RBFOX1: variants seen among roughly 807,000 people sequenced by gnomAD.
RBFOX1 encodes the protein RNA binding protein fox-1 homolog 1.
A neutral mutation model predicts 57.7 loss-of-function variants in RBFOX1; 8 were observed. The observed-to-expected ratio is 0.14, with a 90% CI of 0.08 to 0.25. RBFOX1 has a LOEUF of 0.25. RBFOX1 is among the 10% of genes least tolerant of loss of function. The pLI is 1.00. For missense variants in RBFOX1, 611 were observed against 548.5 expected (o/e 1.11, Z -1.14); for synonymous variants, 326 against 222.4 (o/e 1.47, Z -4.15).
rs539821525 is a variant in RBFOX1 at position 7,036,561 on chromosome 16, C to T, written c.-15-15496C>T. Among the ~76,000 whole-genome samples the T allele has an allele frequency of 5.9e-5, 9 of 152,016 alleles. No homozygotes were observed. In the East Asian group the frequency reaches 7.8e-4, roughly 13 times the overall value. On this transcript the variant is annotated intron_variant, in intron 3 of 15. Transcript: ENST00000550418. Reference sequence around the variant, plus strand: ...TAGAAAAATTAGCTGGATACTGTGGCGGCTGCCCATAATCCCAACTATTCG... The same window carrying T: ...TAGAAAAATTAGCTGGATACTGTGGTGGCTGCCCATAATCCCAACTATTCG...
At chr16:7,455,766 A>G (rs1398252055) in intron 4 of RBFOX1, among the ~76,000 whole-genome samples, 2 of 147,558 alleles carry the variant, frequency 1.4e-5, no homozygotes, top group African/African-American at 2.5e-5. Context: ...CAGCCTGGGA[A>G]CAGAATGAGA....
At chr16:7,520,176 C>T (rs564941993) in intron 5 of RBFOX1, among the ~76,000 whole-genome samples, 6 of 152,248 alleles carry the variant, frequency 3.9e-5, no homozygotes, top group East Asian at 3.9e-4. Flanking sequence ...TGAGCCACCG[C>T]GCCCGGCCTA....
chr16:5,308,968 G>A (rs1371101672), intron 1 of RBFOX1, among the ~76,000 whole-genome samples: 1 of 152,036 alleles, frequency 6.6e-6, no homozygotes, highest in Admixed American at 6.6e-5. Flanking sequence ...AGACCTTGTG[G>A]GGTTCTTGAA....
chr16:7,248,663 G>A (rs1393452865), intron 4 of RBFOX1, among the ~76,000 whole-genome samples: 1 of 152,078 alleles, frequency 6.6e-6, no homozygotes, highest in Non-Finnish European at 1.5e-5. Flanking sequence ...GTTGCTTATA[G>A]GAAATTCAAG....
chr16:7,114,176 G>A (rs896720916), intron 4 of RBFOX1, among the ~76,000 whole-genome samples: 3 of 152,160 alleles, frequency 2.0e-5, no homozygotes, highest in Non-Finnish European at 4.4e-5. Flanking sequence ...TTGGTGTTCA[G>A]AGGCAGATCA....
At chr16:6,070,954 C>G (rs1049503495) in intron 1 of RBFOX1, among the ~76,000 whole-genome samples, 3 of 152,056 alleles carry the variant, frequency 2.0e-5, no homozygotes, top group African/African-American at 7.2e-5. Context: ...CATCTTGTTC[C>G]TCTGATTTTG....
chr16:5,969,862 T>G (rs1043269410), intron 4 of RBFOX1, among the ~76,000 whole-genome samples: 5 of 152,224 alleles, frequency 3.3e-5, no homozygotes, highest in Admixed American at 1.3e-4. Flanking sequence ...TGGATGGTCC[T>G]CCAAGCAACT....
At chr16:6,840,314 G>A (rs1006126449) in intron 3 of RBFOX1, among the ~76,000 whole-genome samples, 3 of 152,104 alleles carry the variant, frequency 2.0e-5, no homozygotes, top group East Asian at 3.9e-4. Context: ...GGGTGTAAGG[G>A]GCTGCAGGGC....
chr16:7,270,152 C>G (rs2095282755), intron 4 of RBFOX1, among the ~76,000 whole-genome samples: 1 of 152,210 alleles, frequency 6.6e-6, no homozygotes, highest in South Asian at 2.1e-4. Flanking sequence ...CCAGTGTAGG[C>G]AATGGGAACC....
chr16:7,189,395 C>A (rs1251191997), intron 4 of RBFOX1, among the ~76,000 whole-genome samples: 4 of 134,844 alleles, frequency 3.0e-5, no homozygotes, highest in African/African-American at 1.1e-4. Flanking sequence ...CACTGCACTC[C>A]AGCCTGGGCG....
intron 3 of RBFOX1, among the ~76,000 whole-genome samples, chr16:5,670,565 GC>G (rs1229240949): frequency 6.6e-6 from 1 of 152,200 alleles, no homozygotes; most frequent in Non-Finnish European, 1.5e-5. Context: ...CTGTGATACT[GC>G]CTGAGGTCCT....
rs560818513 is a variant in RBFOX1, at chr16:6,823,937, C to T, written c.-16+169287C>T. On this transcript the variant is annotated intron_variant, in intron 3 of 15. Transcript: ENST00000550418. ...ACACGTAAGAAATCAGTGTAAGAAA[C>T]GGTGTCCTGGAAGAGGTGGCATCTG... Among the ~76,000 whole-genome samples, 9 of 152,198 alleles carry T rather than the reference C, an allele frequency of 5.9e-5. No homozygotes were observed. In the South Asian group the frequency reaches 1.5e-3, roughly 25 times the overall value.
intron 2 of RBFOX1, among the ~76,000 whole-genome samples, chr16:5,564,271 C>A (rs1268231980): frequency 6.6e-6 from 1 of 151,964 alleles, no homozygotes; most frequent in Admixed American, 6.6e-5. Flanking sequence ...ACCTGCCTCA[C>A]ACTCCTAAAG....
chr16:7,228,469 G>C (rs953513480), intron 4 of RBFOX1, among the ~76,000 whole-genome samples: 1 of 152,116 alleles, frequency 6.6e-6, no homozygotes, highest in Non-Finnish European at 1.5e-5. Flanking sequence ...TTCTAAATAG[G>C]TGTTCTCATT....
chr16:6,039,089 A>G (rs2095407875), intron 1 of RBFOX1: 1 of 151,566 alleles, frequency 6.6e-6, no homozygotes, highest in South Asian at 2.1e-4. Context: ...CCCAGACCAA[A>G]CTGTGTGCAT....
intron 4 of RBFOX1, among the ~76,000 whole-genome samples, chr16:7,391,326 A>T (rs2098014805): frequency 6.6e-6 from 1 of 152,196 alleles, no homozygotes. Context: ...AAGGGCCCTC[A>T]TGGAGGTAGA....
intron 1 of RBFOX1, among the ~76,000 whole-genome samples, chr16:6,233,494 C>T (rs2152909716): frequency 6.6e-6 from 1 of 152,232 alleles, no homozygotes. Flanking sequence ...AGGGAGTTCA[C>T]ATTGCTCTCA....
intron 11 of RBFOX1, among the ~76,000 whole-genome samples, chr16:7,636,429 T>G (rs2061767584): frequency 6.6e-6 from 1 of 152,250 alleles, no homozygotes; most frequent in Admixed American, 6.5e-5. Flanking sequence ...TATTTTATTA[T>G]CAGTTCACAC....
chr16:7,103,573 A>G (rs114732709), intron 4 of RBFOX1, among the ~76,000 whole-genome samples: 1 of 152,204 alleles, frequency 6.6e-6, no homozygotes, highest in Admixed American at 6.5e-5. Flanking sequence ...TTGATAATCT[A>G]CACACCAAGA....
Sources: gnomAD v4.1 joint callset for allele counts (sites outside exome capture counted in the v4.1 genomes callset) on GRCh38, gnomAD v4.1.1 for gene constraint, MANE v1.5 for transcripts, NCBI Gene and HGNC (gene_info 2026-07-23, HGNC 2026-07-21) for gene names.